The following DDX10 variants were observed in gnomAD, a reference collection of about 807,000 sequenced individuals.
The protein encoded by DDX10 is DEAD-box helicase 10, also known as probable ATP-dependent RNA helicase DDX10.
Under a neutral mutation model 104.3 loss-of-function variants are expected in DDX10, and 74 were observed. The ratio of observed to expected loss-of-function variants is 0.71; its 90% CI spans 0.59 to 0.86. DDX10 has a LOEUF of 0.86. DDX10 is among the 40% of genes least tolerant of loss of function. The probability of loss-of-function intolerance (pLI) is 0.00; values close to 1 mark genes in which losing one functional copy is unlikely to be tolerated. For missense variants in DDX10, 952 were observed against 1,040.0 expected, an observed-to-expected ratio of 0.92 and a Z score of 1.16; for synonymous variants, 351 against 353.4, an observed-to-expected ratio of 0.99 and a Z score of 0.08.
rs1291350874 is a variant in DDX10, at chr11:108,722,823, G to A, written c.1500-174G>A. Among the ~76,000 whole-genome samples, 16 of 152,264 alleles carry A rather than the reference G, an allele frequency of 1.1e-4. 1 individual carries two copies. In the East Asian group the frequency reaches 2.5e-3, roughly 24 times the overall value. ...AAATGTTTTCTGACAGGTGTTGAGT[G>A]TATTTTGCCTTACTTTTTGGATCAA... On this transcript the variant is annotated intron_variant, in intron 12 of 17. Transcript: ENST00000322536.
rs575574232 is a variant in DDX10 at position 108,677,608 on chromosome 11, G to A, written c.537+365G>A. On this transcript the variant is annotated intron_variant, in intron 4 of 17. Transcript: ENST00000322536. ...AATAATTCAGAGGATTGCTACATCA[G>A]CAGCGTAAGAAAGGAAGGTAGACTC... Among the ~76,000 whole-genome samples, 3 of 151,282 alleles carry A rather than the reference G, an allele frequency of 2.0e-5. No homozygotes were observed. In the East Asian group the frequency reaches 5.8e-4, roughly 29 times the overall value.
At chr11:108,713,638 C>T (rs576803429) in intron 10 of DDX10, among the ~76,000 whole-genome samples, 56 of 152,238 alleles carry the variant, frequency 3.7e-4, no homozygotes, top group Middle Eastern at 6.8e-3. Flanking sequence ...TTCCAACATC[C>T]CTGCCATGTC....
intron 13 of DDX10, among the ~76,000 whole-genome samples, chr11:108,771,237 T>C (rs2094362752): frequency 6.6e-6 from 1 of 152,234 alleles, no homozygotes; most frequent in Non-Finnish European, 1.5e-5. Context: ...CAGCTCCGTC[T>C]ATATTCTGGT....
intron 13 of DDX10, among the ~76,000 whole-genome samples, chr11:108,837,333 G>GT (rs1862568891): frequency 1.3e-5 from 2 of 152,190 alleles, no homozygotes; most frequent in African/African-American, 4.8e-5. Context: ...GCTGCATTGG[G>GT]TTAAGTACCA....
intron 2 of DDX10, 84 bp from the exon 3 acceptor site, chr11:108,675,512 A>C (rs755203081): frequency 2.0e-6 from 3 of 1,482,818 alleles, no homozygotes; most frequent in Non-Finnish European, 2.7e-6. Context: ...CAACATAGGA[A>C]TTTTGGGGGA....
chr11:108,820,162 T>G (rs932203980), intron 13 of DDX10, among the ~76,000 whole-genome samples: 1 of 152,168 alleles, frequency 6.6e-6, no homozygotes, highest in Non-Finnish European at 1.5e-5. Flanking sequence ...TTGTGCCGAG[T>G]AAATGAAATA....
chr11:108,749,078 C>T (rs1445644813), intron 13 of DDX10, among the ~76,000 whole-genome samples: 4 of 151,556 alleles, frequency 2.6e-5, no homozygotes, highest in Admixed American at 1.3e-4. Flanking sequence ...CTTTCTCTCT[C>T]TCTCTCTCTA....
chr11:108,724,374 A>C (rs945918596), intron 13 of DDX10, among the ~76,000 whole-genome samples: 1 of 152,092 alleles, frequency 6.6e-6, no homozygotes, highest in Non-Finnish European at 1.5e-5. Flanking sequence ...TTAGTGCTTG[A>C]AATAAAGGTC....
At chr11:108,939,392 G>C (rs1342192038) in intron 17 of DDX10, among the ~76,000 whole-genome samples, 1 of 152,118 alleles carries the variant, frequency 6.6e-6, no homozygotes, top group Non-Finnish European at 1.5e-5. Context: ...CCACACTGAG[G>C]GTTGCCATGA....
chr11:108,828,276 C>G (rs2134584102), intron 13 of DDX10, among the ~76,000 whole-genome samples: 1 of 152,102 alleles, frequency 6.6e-6, no homozygotes, highest in South Asian at 2.1e-4. Flanking sequence ...TACACTGTAC[C>G]CAATGTGTAG....
chr11:108,766,182 T>G (rs891226579), intron 13 of DDX10, among the ~76,000 whole-genome samples: 1 of 152,190 alleles, frequency 6.6e-6, no homozygotes, highest in Non-Finnish European at 1.5e-5. Context: ...AGCATAATTT[T>G]TTTGTTTGCT....
At chr11:108,904,122 C>A (rs1474176687) in intron 16 of DDX10, among the ~76,000 whole-genome samples, 1 of 151,938 alleles carries the variant, frequency 6.6e-6, no homozygotes. Context: ...TCTGATTTTT[C>A]TTTTTATAAA....
chr11:108,750,230 A>T (rs756810310), intron 13 of DDX10, among the ~76,000 whole-genome samples: 1 of 152,106 alleles, frequency 6.6e-6, no homozygotes, highest in Admixed American at 6.6e-5. Context: ...CTAACCTCAA[A>T]GGTTTTTTAT....
chr11:108,775,248 T>A (rs2094368431), intron 13 of DDX10, among the ~76,000 whole-genome samples: 1 of 152,232 alleles, frequency 6.6e-6, no homozygotes, highest in South Asian at 2.1e-4. Flanking sequence ...TGAAAAAATG[T>A]TAATCTCAAA....
intron 1 of DDX10, among the ~76,000 whole-genome samples, chr11:108,671,903 CA>C (rs1396263394): frequency 6.6e-6 from 1 of 151,598 alleles, no homozygotes; most frequent in Admixed American, 6.6e-5. Context: ...ACTAAAAATA[CA>C]GAAAAAATTA....
intron 13 of DDX10, among the ~76,000 whole-genome samples, chr11:108,743,534 TG>T: frequency 6.6e-6 from 1 of 152,154 alleles, no homozygotes; most frequent in Non-Finnish European, 1.5e-5. Context: ...CTTTTAAATA[TG>T]GTTGGAAAAA....
rs537127300 is a variant in DDX10, at chr11:108,751,063, A to G, written c.1965+27601A>G. 3.3e-5 allele frequency among the ~76,000 whole-genome samples: 5 copies of G among 149,462 alleles called. No individual in the cohort carries two copies. The South Asian group carries it at 1.1e-3, about 32-fold the overall frequency. On this transcript the variant is annotated intron_variant, in intron 13 of 17. Transcript: ENST00000322536. ...TCCCAAAATGCTGGGATTAGAGCAT[A>G]AGCCTCAACTCCTGGCCCCTAATTA... is the stretch of plus-strand genomic sequence containing the variant.
At chr11:108,838,996 G>A (rs1862599398) in intron 14 of DDX10, among the ~76,000 whole-genome samples, 1 of 152,156 alleles carries the variant, frequency 6.6e-6, no homozygotes, top group Non-Finnish European at 1.5e-5. Flanking sequence ...GGCTATGGGA[G>A]GGAATTCTCT....
intron 16 of DDX10, among the ~76,000 whole-genome samples, chr11:108,885,357 C>T (rs1863281872): frequency 3.9e-5 from 4 of 103,160 alleles, no homozygotes; most frequent in African/African-American, 1.5e-4. Context: ...TTCATTGTCA[C>T]TTTTTTTTTT....
Sources: gnomAD v4.1 joint callset for allele counts (sites outside exome capture counted in the v4.1 genomes callset) on GRCh38, gnomAD v4.1.1 for gene constraint, MANE v1.5 for transcripts, NCBI Gene and HGNC (gene_info 2026-07-23, HGNC 2026-07-21) for gene names.